ZNF185: variants seen among roughly 807,000 people sequenced by gnomAD.
The protein encoded by ZNF185 is zinc finger protein 185.
Under a neutral mutation model 58.6 loss-of-function variants are expected in ZNF185, and 56 were observed. That is an observed-to-expected ratio of 0.95 (90% CI 0.77 to 1.19). The LOEUF (loss-of-function observed/expected upper bound fraction) is 1.19, where lower values mean the gene tolerates loss of function less well. Ranked by LOEUF, ZNF185 falls within the 50% of genes most tolerant of loss-of-function variation. ZNF185 has a pLI of 0.00. For missense variants in ZNF185, 627 were observed against 573.5 expected (o/e 1.09, Z -0.95); for synonymous variants, 230 against 215.9 (o/e 1.07, Z -0.57).
At chrX:152,966,733 G>A (rs1339248280) in intron 19 of ZNF185, among the ~76,000 whole-genome samples, 2 of 111,476 alleles carry the variant, frequency 1.8e-5, no homozygotes, top group Non-Finnish European at 3.8e-5. Context: ...GAACACCTTT[G>A]TCTCCCCAAA....
At chrX:152,918,075 C>A (rs782178857) in exon 6 of ZNF185, 29 of 1,188,378 alleles carry the variant, frequency 2.4e-5, no homozygotes, top group Non-Finnish European at 3.1e-5. Flanking sequence ...TGCTGCCAGT[C>A]TGGTGAGAAC....
At chrX:152,969,382 G>A in exon 21 of ZNF185, 1 of 1,202,100 alleles carries the variant, frequency 8.3e-7, no homozygotes, top group Non-Finnish European at 1.1e-6. Flanking sequence ...CATCTCACAG[G>A]ACAACTGGAG....
At chrX:152,941,410 G>A (rs1569508160) in intron 15 of ZNF185, among the ~76,000 whole-genome samples, 2 of 112,762 alleles carry the variant, frequency 1.8e-5, no homozygotes, top group African/African-American at 6.4e-5. Context: ...ATAGTGCTAA[G>A]GTTGACAAAC....
intron 16 of ZNF185, among the ~76,000 whole-genome samples, chrX:152,959,247 G>A (rs1271306530): frequency 8.9e-6 from 1 of 111,834 alleles, no homozygotes; most frequent in African/African-American, 3.3e-5. Context: ...GGGTAGCTTG[G>A]GGGAGAAGCT....
chrX:152,962,843 G>C (rs1376664126), intron 17 of ZNF185, among the ~76,000 whole-genome samples: 1 of 112,774 alleles, frequency 8.9e-6, no homozygotes, highest in Non-Finnish European at 1.9e-5. Context: ...TGAGGCGAGA[G>C]AGCTAGGCAG....
At chrX:152,918,288 C>A in intron 6 of ZNF185, 134 bp downstream of exon 7, 1 of 744,267 alleles carries the variant, frequency 1.3e-6, no homozygotes, top group Non-Finnish European at 2.0e-6. Flanking sequence ...ACACTCCCTG[C>A]CAGTTGCAGC....
chrX:152,901,765 G>T, the ZNF185 span, among the ~76,000 whole-genome samples: 2 of 111,525 alleles, frequency 1.8e-5, no homozygotes, highest in Non-Finnish European at 3.8e-5. Flanking sequence ...TGGGCGCTGG[G>T]GCACAGAAAT....
chrX:152,937,336 C>T lies in ZNF185; in HGVS notation c.1122-738C>T, dbSNP rs145399532. Among the ~76,000 whole-genome samples, 181 of 112,003 alleles carry T rather than the reference C, an allele frequency of 1.6e-3. 3 individuals carry two copies. Among genetic ancestry groups the T allele is most frequent in the African/African-American group, 5.1e-3 (158 of 30,767 alleles). On this transcript the variant is annotated intron_variant, in intron 14 of 22. Coordinates refer to ENST00000449285, the Ensembl canonical transcript of ZNF185. Reference sequence around the variant, plus strand: ...TCTCATTAGCAGCTTACTCTCACACCGTCTGCCCTGTCTTGGCTGCTTAGT... The same window carrying T: ...TCTCATTAGCAGCTTACTCTCACACTGTCTGCCCTGTCTTGGCTGCTTAGT...
At chrX:152,936,473 G>A (rs931985524) in intron 14 of ZNF185, 1 of 1,166,497 alleles carries the variant, frequency 8.6e-7, no homozygotes, top group Middle Eastern at 2.3e-4. Flanking sequence ...TGGGCACAGT[G>A]CCAACTCTCA....
chrX:152,950,910 T>C (rs1318238199), intron 16 of ZNF185, among the ~76,000 whole-genome samples: 1 of 111,477 alleles, frequency 9.0e-6, no homozygotes, highest in African/African-American at 3.3e-5. Flanking sequence ...AATCTTCAGT[T>C]CCTTTAAAAT....
At chrX:152,940,901 T>C (rs1603271192) in intron 15 of ZNF185, among the ~76,000 whole-genome samples, 1 of 112,357 alleles carries the variant, frequency 8.9e-6, no homozygotes, top group East Asian at 2.8e-4. Context: ...AATATCTCTC[T>C]CAATGTTAAT....
At chrX:152,962,302 T>C (rs1440369624) in intron 17 of ZNF185, among the ~76,000 whole-genome samples, 3 of 110,589 alleles carry the variant, frequency 2.7e-5, no homozygotes, top group African/African-American at 6.6e-5. Flanking sequence ...TTTTCTTTTT[T>C]TTAAGAGGCG....
chrX:152,944,044 G>T (rs1424100771), intron 15 of ZNF185, among the ~76,000 whole-genome samples: 1 of 113,209 alleles, frequency 8.8e-6, no homozygotes, highest in Non-Finnish European at 1.9e-5. Context: ...CACAGGCCCA[G>T]TGGGATGGTT....
chrX:152,945,341 C>T (rs1556893816), exon 16 of ZNF185: 1 of 1,207,203 alleles, frequency 8.3e-7, no homozygotes, highest in South Asian at 1.8e-5. Flanking sequence ...CCTGGAGCTC[C>T]AAGAGGTGGC....
chrX:152,965,372 C>T, intron 18 of ZNF185, 75 bp from the exon 21 acceptor site: 3 of 1,006,213 alleles, frequency 3.0e-6, no homozygotes, highest in Non-Finnish European at 4.1e-6. Context: ...CAGCCCTGAA[C>T]CACTCCTGTG....
chrX:152,931,691 G>C (rs1942010338), exon 13 of ZNF185: 3 of 1,210,117 alleles, frequency 2.5e-6, no homozygotes, highest in Non-Finnish European at 2.2e-6. Flanking sequence ...AGGCAACAAA[G>C]ACAAGGAGGC....
intron 16 of ZNF185, among the ~76,000 whole-genome samples, chrX:152,954,625 A>C (rs1269494083): frequency 8.9e-6 from 1 of 112,109 alleles, no homozygotes; most frequent in Non-Finnish European, 1.9e-5. Context: ...CTCACCAAAA[A>C]CAACCAAATA....
intron 15 of ZNF185, among the ~76,000 whole-genome samples, chrX:152,940,594 A>G (rs1385068342): frequency 6.3e-5 from 7 of 111,527 alleles, no homozygotes; most frequent in Admixed American, 4.8e-4. Flanking sequence ...GTGAAGTCTC[A>G]TAAGTGGCCG....
chrX:152,941,472 G>C lies in ZNF185; in HGVS notation c.1211+3309G>C, dbSNP rs782358194. On this transcript the variant is annotated intron_variant, in intron 15 of 22. Coordinates refer to ENST00000449285, the Ensembl canonical transcript of ZNF185. ...TTGGGAAGACAGCAGGGACGGAAAA[G>C]AAAAAGGGATGGCACAGAACCACAC... is the stretch of plus-strand genomic sequence containing the variant. Among the ~76,000 whole-genome samples, 5 of 112,962 alleles carry C rather than the reference G, an allele frequency of 4.4e-5. No individual in the cohort carries two copies. In the South Asian group the frequency reaches 1.8e-3, roughly 41 times the overall value.
Sources: allele counts gnomAD v4.1 joint callset (sites outside exome capture counted in the v4.1 genomes callset), GRCh38; gene constraint gnomAD v4.1.1; transcripts MANE v1.5; gene names NCBI Gene and HGNC (gene_info 2026-07-23, HGNC 2026-07-21).